CNTN5: variants seen among roughly 807,000 people sequenced by gnomAD.
CNTN5 encodes contactin-5.
In CNTN5, 77 loss-of-function variants were observed where a neutral mutation model predicts 129.1. That is an observed-to-expected ratio of 0.60 (90% CI 0.50 to 0.72). The LOEUF (loss-of-function observed/expected upper bound fraction) is 0.72. Among genes scored for constraint, CNTN5 ranks in the 30% least tolerant of loss-of-function variants. The probability of loss-of-function intolerance (pLI) is 0.00; values close to 1 mark genes in which losing one functional copy is unlikely to be tolerated. For missense variants in CNTN5, 1,478 were observed against 1,328.8 expected (o/e 1.11, Z -1.75); for synonymous variants, 509 against 465.6 (o/e 1.09, Z -1.20).
chr11:99,639,340 G>A (rs745577513), intron 3 of CNTN5, among the ~76,000 whole-genome samples: 2 of 152,166 alleles, frequency 1.3e-5, no homozygotes, highest in African/African-American at 4.8e-5. Context: ...GAATGGCCGT[G>A]AAGCTCTCTG....
chr11:99,960,448 G>A (rs1373039393), intron 8 of CNTN5, among the ~76,000 whole-genome samples: 5 of 151,450 alleles, frequency 3.3e-5, no homozygotes, highest in Admixed American at 3.3e-4. Context: ...TCTATAAACT[G>A]GAAAATCAAT....
chr11:99,668,750 G>A (rs1238581054), intron 3 of CNTN5, among the ~76,000 whole-genome samples: 5 of 152,134 alleles, frequency 3.3e-5, no homozygotes, highest in Admixed American at 2.0e-4. Flanking sequence ...GCCACATAGT[G>A]GAACTTGAAC....
At chr11:100,127,816 A>G (rs1256357205) in intron 13 of CNTN5, among the ~76,000 whole-genome samples, 1 of 151,574 alleles carries the variant, frequency 6.6e-6, no homozygotes, top group Non-Finnish European at 1.5e-5. Context: ...CTGCCACTGC[A>G]TGCAGCTAAT....
At chr11:100,156,176 A>T (rs190265835) in intron 13 of CNTN5, among the ~76,000 whole-genome samples, 1 of 152,122 alleles carries the variant, frequency 6.6e-6, no homozygotes, top group Non-Finnish European at 1.5e-5. Flanking sequence ...GATATGTTCC[A>T]TCAATGCCTA....
At chr11:99,341,497 T>G (rs1287754171) in intron 2 of CNTN5, among the ~76,000 whole-genome samples, 1 of 152,174 alleles carries the variant, frequency 6.6e-6, no homozygotes, top group Non-Finnish European at 1.5e-5. Context: ...CCAATTCTAG[T>G]AATTCAAACT....
chr11:99,336,046 A>C (rs1183863282), intron 2 of CNTN5, among the ~76,000 whole-genome samples: 1 of 152,138 alleles, frequency 6.6e-6, no homozygotes, highest in African/African-American at 2.4e-5. Flanking sequence ...ATAAAAAAAA[A>C]AACTTTTTGT....
chr11:99,127,470 C>T (rs1399068774), intron 1 of CNTN5, among the ~76,000 whole-genome samples: 1 of 152,106 alleles, frequency 6.6e-6, no homozygotes, highest in Non-Finnish European at 1.5e-5. Context: ...AGAGTGAGCC[C>T]ACTGATCTAA....
At chr11:99,639,406 G>T (rs1479361756) in intron 3 of CNTN5, among the ~76,000 whole-genome samples, 1 of 152,122 alleles carries the variant, frequency 6.6e-6, no homozygotes, top group Non-Finnish European at 1.5e-5. Flanking sequence ...AGGCTGCTTG[G>T]TACTTATGCA....
chr11:100,032,024 G>A (rs992061069), intron 9 of CNTN5, among the ~76,000 whole-genome samples: 4 of 152,182 alleles, frequency 2.6e-5, no homozygotes, highest in African/African-American at 9.7e-5. Context: ...CAAGGAGAGA[G>A]CCCTGTTGCA....
intron 8 of CNTN5, among the ~76,000 whole-genome samples, chr11:99,958,672 G>T (rs1170079181): frequency 6.6e-6 from 1 of 152,130 alleles, no homozygotes; most frequent in Non-Finnish European, 1.5e-5. Context: ...AAGAAATGCA[G>T]TTTTACAGTT....
intron 21 of CNTN5, 60 bp from the exon 22 acceptor site, chr11:100,340,403 G>C (rs1591527832): frequency 7.8e-7 from 1 of 1,283,176 alleles, no homozygotes. Flanking sequence ...AAAAGTTCAA[G>C]CAGCCACAAG....
intron 13 of CNTN5, among the ~76,000 whole-genome samples, chr11:100,137,560 G>C (rs1204156768): frequency 6.6e-6 from 1 of 152,026 alleles, no homozygotes; most frequent in East Asian, 1.9e-4. Flanking sequence ...AATTATCCAT[G>C]TAATATTATC....
At chr11:99,898,435 C>A (rs991010375) in intron 6 of CNTN5, among the ~76,000 whole-genome samples, 1 of 152,026 alleles carries the variant, frequency 6.6e-6, no homozygotes, top group Non-Finnish European at 1.5e-5. Flanking sequence ...GTATGATCAC[C>A]TTGATGTACA....
At chr11:100,320,644 A>G (rs12271953) in intron 21 of CNTN5, among the ~76,000 whole-genome samples, 19,962 of 152,120 alleles carry the variant, frequency 0.13, 1,954 homozygotes, top group East Asian at 0.39. Flanking sequence ...GACCAAGGTC[A>G]TAGAGCTTTT....
At chr11:100,182,102 A>G (rs995902098) in intron 13 of CNTN5, among the ~76,000 whole-genome samples, 66 of 152,234 alleles carry the variant, frequency 4.3e-4, no homozygotes, top group African/African-American at 1.4e-3. Context: ...GGTTTGTCAT[A>G]AAGACAGGTA....
At chr11:99,379,052 C>T (rs997640257) in intron 2 of CNTN5, among the ~76,000 whole-genome samples, 8 of 151,696 alleles carry the variant, frequency 5.3e-5, no homozygotes, top group African/African-American at 1.9e-4. Context: ...ATGCCTATTG[C>T]CTATTTAATT....
intron 6 of CNTN5, among the ~76,000 whole-genome samples, chr11:99,865,217 A>G (rs1023240600): frequency 4.6e-5 from 7 of 152,148 alleles, no homozygotes; most frequent in Non-Finnish European, 1.0e-4. Flanking sequence ...GTTATATTGT[A>G]GCAATTTTTA....
intron 2 of CNTN5, among the ~76,000 whole-genome samples, chr11:99,357,241 T>G (rs2136098355): frequency 6.6e-6 from 1 of 152,244 alleles, no homozygotes; most frequent in Non-Finnish European, 1.5e-5. Context: ...AAACCTTATT[T>G]GCCTCTTTTT....
chr11:99,524,730 G>C (rs933234090), intron 2 of CNTN5, among the ~76,000 whole-genome samples: 3 of 151,768 alleles, frequency 2.0e-5, no homozygotes, highest in African/African-American at 7.3e-5. Context: ...GTGAACCTGG[G>C]AGGCAGAGGT....
Sources: gnomAD v4.1 joint callset for allele counts (sites outside exome capture counted in the v4.1 genomes callset) on GRCh38, gnomAD v4.1.1 for gene constraint, MANE v1.5 for transcripts, NCBI Gene and HGNC (gene_info 2026-07-23, HGNC 2026-07-21) for gene names.